The following QTMAN variants were observed in gnomAD, a reference collection of about 807,000 sequenced individuals.
QTMAN encodes tRNA-queuosine alpha-mannosyltransferase.
chr2:144,026,055 C>T, the QTMAN span, among the ~76,000 whole-genome samples: 2 of 152,146 alleles, frequency 1.3e-5, no homozygotes, highest in Non-Finnish European at 2.9e-5. Context: ...GTACTGTTAG[C>T]ATATTTTTCT....
the QTMAN span, among the ~76,000 whole-genome samples, chr2:144,093,327 G>A: frequency 6.6e-6 from 1 of 152,172 alleles, no homozygotes; most frequent in African/African-American, 2.4e-5. Flanking sequence ...ACATAAAAGA[G>A]TAGCAAATTT....
the QTMAN span, among the ~76,000 whole-genome samples, chr2:144,287,277 A>G: frequency 2.6e-5 from 4 of 152,124 alleles, no homozygotes; most frequent in Admixed American, 6.5e-5. Flanking sequence ...TCTACTAAAA[A>G]TACAAAAATT....
At chr2:144,160,807 G>A in the QTMAN span, among the ~76,000 whole-genome samples, 2 of 152,064 alleles carry the variant, frequency 1.3e-5, no homozygotes, top group East Asian at 1.9e-4. Flanking sequence ...ACTAATTTAA[G>A]GCAGCCACTT....
At chr2:144,105,941 G>C in the QTMAN span, among the ~76,000 whole-genome samples, 1 of 152,048 alleles carries the variant, frequency 6.6e-6, no homozygotes, top group East Asian at 1.9e-4. Flanking sequence ...GAGAGTGGGG[G>C]GCCAATATTC....
At chr2:144,253,255 T>A in the QTMAN span, among the ~76,000 whole-genome samples, 2 of 152,204 alleles carry the variant, frequency 1.3e-5, no homozygotes, top group Non-Finnish European at 2.9e-5. Flanking sequence ...GTCAATTAAA[T>A]CTCTTTCCTT....
chr2:144,121,759 A>G, the QTMAN span, among the ~76,000 whole-genome samples: 3 of 152,370 alleles, frequency 2.0e-5, no homozygotes, highest in South Asian at 2.1e-4. Context: ...ATGAAGCCCT[A>G]AAGTTACTCA....
At chr2:143,983,865 G>C in the QTMAN span, among the ~76,000 whole-genome samples, 1 of 152,066 alleles carries the variant, frequency 6.6e-6, no homozygotes, top group African/African-American at 2.4e-5. Context: ...TCAGTAAATC[G>C]CCATTTTTAT....
At chr2:144,078,655 A>G in the QTMAN span, among the ~76,000 whole-genome samples, 1 of 152,196 alleles carries the variant, frequency 6.6e-6, no homozygotes, top group Admixed American at 6.5e-5. Flanking sequence ...CTAGGGAAAT[A>G]TAATTGCTAT....
the QTMAN span, among the ~76,000 whole-genome samples, chr2:144,008,541 A>G: frequency 6.6e-6 from 1 of 152,086 alleles, no homozygotes; most frequent in African/African-American, 2.4e-5. Context: ...TAAGGTCTAG[A>G]GGGGTAGACT....
chr2:143,946,813 T>C, the QTMAN span: 1 of 519,520 alleles, frequency 1.9e-6, no homozygotes, highest in South Asian at 3.2e-5. Flanking sequence ...AGGACATGTG[T>C]AACCATCATA....
At chr2:143,981,204 C>A in the QTMAN span, among the ~76,000 whole-genome samples, 3 of 152,124 alleles carry the variant, frequency 2.0e-5, no homozygotes, top group Non-Finnish European at 4.4e-5. Context: ...ATCAGAGAAA[C>A]CCTCTGACTC....
the QTMAN span, among the ~76,000 whole-genome samples, chr2:144,216,115 T>C: frequency 6.6e-6 from 1 of 152,136 alleles, no homozygotes; most frequent in African/African-American, 2.4e-5. Context: ...TTTTAGACTC[T>C]TATAACTTCA....
chr2:144,224,832 A>G, the QTMAN span, among the ~76,000 whole-genome samples: 4 of 152,178 alleles, frequency 2.6e-5, no homozygotes, highest in South Asian at 6.2e-4. Context: ...AATTAAAGTA[A>G]CTGTTTTGTG....
chr2:144,310,991 A>G, the QTMAN span, among the ~76,000 whole-genome samples: 1 of 152,220 alleles, frequency 6.6e-6, no homozygotes, highest in Non-Finnish European at 1.5e-5. Context: ...TGATTTTAAT[A>G]TATCAGGGCT....
chr2:144,018,997 C>T, the QTMAN span, among the ~76,000 whole-genome samples: 1 of 151,970 alleles, frequency 6.6e-6, no homozygotes, highest in Non-Finnish European at 1.5e-5. Context: ...AAGCCCAGGG[C>T]AAGAGAGAAT....
chr2:144,250,770 A>AC, the QTMAN span, among the ~76,000 whole-genome samples: 1 of 151,686 alleles, frequency 6.6e-6, no homozygotes, highest in African/African-American at 2.4e-5. Flanking sequence ...AAAAAAAAAA[A>AC]AACCTGTGCC....
the QTMAN span, among the ~76,000 whole-genome samples, chr2:144,329,159 T>G: frequency 8.6e-5 from 13 of 152,028 alleles, 1 homozygote; most frequent in Middle Eastern, 6.8e-3. Context: ...AGGAAACCAC[T>G]TGAACCAGAG....
At chr2:144,316,055 C>T in the QTMAN span, among the ~76,000 whole-genome samples, 37 of 152,128 alleles carry the variant, frequency 2.4e-4, no homozygotes, top group African/African-American at 7.2e-4. Flanking sequence ...CTAGCCTAGG[C>T]AACATGGCGA....
the QTMAN span, among the ~76,000 whole-genome samples, chr2:144,068,468 T>A: frequency 6.6e-6 from 1 of 152,232 alleles, no homozygotes; most frequent in African/African-American, 2.4e-5. Flanking sequence ...TATGTCAGAA[T>A]GTATTTTAAA....
Sources: gnomAD v4.1 joint callset for allele counts (sites outside exome capture counted in the v4.1 genomes callset) on GRCh38, gnomAD v4.1.1 for gene constraint, MANE v1.5 for transcripts, NCBI Gene and HGNC (gene_info 2026-07-23, HGNC 2026-07-21) for gene names.